ZFR: variants seen among roughly 807,000 people sequenced by gnomAD.
ZFR encodes the protein zinc finger RNA binding protein.
Under a neutral mutation model 130.7 loss-of-function variants are expected in ZFR, and 19 were observed. That is an observed-to-expected ratio of 0.15 (90% CI 0.10 to 0.21). ZFR has a LOEUF of 0.21. ZFR is among the 10% of genes least tolerant of loss of function. ZFR has a pLI of 1.00. For missense variants in ZFR, 872 were observed against 1,321.5 expected (o/e 0.66, Z 5.27); for synonymous variants, 466 against 456.9 (o/e 1.02, Z -0.25).
intron 4 of ZFR, among the ~76,000 whole-genome samples, chr5:32,417,178 G>A (rs1017840230): frequency 1.3e-5 from 2 of 150,520 alleles, no homozygotes; most frequent in East Asian, 2.0e-4. Context: ...CTTTGCAAAC[G>A]AAATGCTTCC....
At chr5:32,411,714 G>GGTGC (rs1554073349) in intron 5 of ZFR, among the ~76,000 whole-genome samples, 1 of 54,612 alleles carries the variant, frequency 1.8e-5, no homozygotes, top group Admixed American at 2.5e-4. Context: ...AATTGAGGGG[G>GGTGC]GGCGGGGAAT....
At chr5:32,358,663 G>A (rs1752366085) in intron 19 of ZFR, among the ~76,000 whole-genome samples, 1 of 150,628 alleles carries the variant, frequency 6.6e-6, no homozygotes, top group African/African-American at 2.4e-5. Flanking sequence ...AATTTTTAAA[G>A]TTCTATCCTC....
chr5:32,417,668 G>A lies in ZFR; in HGVS notation c.545C>T (p.Ala182Val). The change falls in exon 4 of 20, where the codon GCT (alanine) becomes GTT (valine). Residue 182 changes from alanine to valine, a missense_variant. This residue lies in a region of ZFR where 240 missense variants were observed against 441.2 expected (regional missense o/e 0.54). Coordinates refer to ENST00000265069, the MANE Select transcript of ZFR (RefSeq NM_016107.5). Reference protein sequence around the residue: ...AAAAQPQPSVAETYYQTAPKA... With the variant: ...AAAAQPQPSVVETYYQTAPKA... ...CCCACCTGTCTGATAGTAAGTTTCAGCAACAGAAGGCTGAGGTTGGGCAGC... is the reference window on the plus strand; with the variant it reads ...CCCACCTGTCTGATAGTAAGTTTCAACAACAGAAGGCTGAGGTTGGGCAGC... 1 of 1,613,592 alleles carries A rather than the reference G, an allele frequency of 6.2e-7. No individual in the cohort carries two copies. Among genetic ancestry groups the A allele is most frequent in the Non-Finnish European group, 8.5e-7 (1 of 1,179,878 alleles).
At chr5:32,422,554 TG>T (rs1339741373) in intron 2 of ZFR, among the ~76,000 whole-genome samples, 2 of 151,938 alleles carry the variant, frequency 1.3e-5, no homozygotes, top group Non-Finnish European at 2.9e-5. Flanking sequence ...CCCAGCACTT[TG>T]GGAGGCCAAG....
chr5:32,395,017 T>C (rs1236430819), intron 11 of ZFR, 142 bp downstream of exon 11: 19 of 1,195,514 alleles, frequency 1.6e-5, no homozygotes, highest in Middle Eastern at 2.1e-4. Flanking sequence ...ATGTCTTTCC[T>C]AGACCTAGGA....
At chr5:32,381,154 G>T (rs1752927954) in intron 15 of ZFR, among the ~76,000 whole-genome samples, 1 of 152,188 alleles carries the variant, frequency 6.6e-6, no homozygotes, top group Non-Finnish European at 1.5e-5. Flanking sequence ...CTGATCCTGT[G>T]ACGATAGATG....
rs116707513 is a variant in ZFR, at chr5:32,436,025, C to T, written c.137+8204G>A. On this transcript the variant is annotated intron_variant, in intron 2 of 19. Coordinates refer to ENST00000265069, the MANE Select transcript of ZFR (RefSeq NM_016107.5). ...CCTAATCCAGCAACTCTAAAGCTGA[C>T]GACCTTGCTATCATCTTTTGGTTTT... Among the ~76,000 whole-genome samples, 339 of 152,166 alleles carry T rather than the reference C, an allele frequency of 2.2e-3. 1 individual carries two copies. The highest frequency in any genetic ancestry group is 8.1e-3 in the African/African-American group (335 of 41,526).
rs1054978474 is a variant in ZFR at position 32,444,712 on chromosome 5, C to T, written c.-54G>A. 1.3e-5 allele frequency: 19 copies of T among 1,497,904 alleles called. No individual in the cohort carries two copies. Among genetic ancestry groups the T allele is most frequent in the Non-Finnish European group, 1.6e-5 (18 of 1,123,582 alleles). The allele number at this position is 1,497,904 out of a possible 1,614,324, so 92.8% of individuals were successfully genotyped here. On this transcript the variant is annotated 5_prime_UTR_variant, in exon 1 of 20. Transcript: ENST00000265069. The stretch of plus-strand genomic sequence containing the variant: ...AACTCTCACCCGCTGCCTCCCTCCT[C>T]TGCCCCGCTCCTCCTCAGCGGAGAA...
intron 2 of ZFR, among the ~76,000 whole-genome samples, chr5:32,440,592 A>C (rs969433117): frequency 6.6e-6 from 1 of 152,010 alleles, no homozygotes; most frequent in African/African-American, 2.4e-5. Context: ...GGTTGCAGTG[A>C]GCCAAGATCG....
At chr5:32,398,285 A>G (rs116389693) in intron 9 of ZFR, among the ~76,000 whole-genome samples, 1,680 of 152,352 alleles carry the variant, frequency 0.011, 27 homozygotes, top group African/African-American at 0.039. Flanking sequence ...AAATGAAGAT[A>G]ACGACGAATA....
intron 2 of ZFR, among the ~76,000 whole-genome samples, chr5:32,433,121 G>C (rs1754259295): frequency 6.6e-6 from 1 of 152,046 alleles, no homozygotes; most frequent in Non-Finnish European, 1.5e-5. Flanking sequence ...AGGGGAGCGA[G>C]GTGGTTAAAT....
At chr5:32,444,045 C>T (rs1441149666) in intron 2 of ZFR, among the ~76,000 whole-genome samples, 184 bp downstream of exon 2, 1 of 141,222 alleles carries the variant, frequency 7.1e-6, no homozygotes, top group African/African-American at 2.5e-5. Context: ...GCGGGCCGGG[C>T]CGGGCCGGGC....
chr5:32,380,896 C>T (rs1752922049), intron 15 of ZFR, among the ~76,000 whole-genome samples: 2 of 151,394 alleles, frequency 1.3e-5, no homozygotes, highest in African/African-American at 4.9e-5. Flanking sequence ...GTGATACACC[C>T]GCCTCGGCCT....
chr5:32,443,973 G>A (rs748688635), intron 2 of ZFR, among the ~76,000 whole-genome samples: 1 of 151,814 alleles, frequency 6.6e-6, no homozygotes, highest in African/African-American at 2.4e-5. Flanking sequence ...GGGCCCTGAG[G>A]CCTCCACGTC....
rs183202535 is a variant in ZFR at position 32,365,407 on chromosome 5, G to A, written c.2836-1132C>T. 2.6e-3 allele frequency among the ~76,000 whole-genome samples: 394 copies of A among 151,950 alleles called. 1 individual carries two copies. Among genetic ancestry groups the A allele is most frequent in the African/African-American group, 9.1e-3 (378 of 41,428 alleles). On this transcript the variant is annotated intron_variant, in intron 17 of 19. Coordinates refer to ENST00000265069, the MANE Select transcript of ZFR (RefSeq NM_016107.5). ...AGAGATGAGAATTTAAAGAAATAGCGCACATTAACAACTATGAAAAATAAA... is the reference window on the plus strand; with the variant it reads ...AGAGATGAGAATTTAAAGAAATAGCACACATTAACAACTATGAAAAATAAA...
At chr5:32,440,805 G>C (rs1754455689) in intron 2 of ZFR, among the ~76,000 whole-genome samples, 1 of 152,114 alleles carries the variant, frequency 6.6e-6, no homozygotes, top group Non-Finnish European at 1.5e-5. Flanking sequence ...GTTACTAGTA[G>C]CCATACTTGA....
chr5:32,379,873 C>T, intron 16 of ZFR: 1 of 441,448 alleles, frequency 2.3e-6, no homozygotes, highest in Non-Finnish European at 4.0e-6. Flanking sequence ...ACTCCCCAAA[C>T]CTAAGTTCAT....
chr5:32,411,632 T>A (rs1430202953), intron 5 of ZFR, among the ~76,000 whole-genome samples: 1 of 130,630 alleles, frequency 7.7e-6, no homozygotes, highest in Non-Finnish European at 1.6e-5. Context: ...GAGGTTGCAG[T>A]GAGTCGAGAT....
At chr5:32,423,999 T>C (rs1355381267) in intron 2 of ZFR, among the ~76,000 whole-genome samples, 2 of 152,208 alleles carry the variant, frequency 1.3e-5, no homozygotes, top group African/African-American at 4.8e-5. Context: ...AACCTTTTCT[T>C]AGGAAGCTAC....
Sources: gnomAD v4.1 joint callset for allele counts (sites outside exome capture counted in the v4.1 genomes callset) on GRCh38, gnomAD v4.1.1 for gene constraint, gnomAD v4.1.1 regional missense constraint, MANE v1.5 for transcripts, NCBI Gene and HGNC (gene_info 2026-07-23, HGNC 2026-07-21) for gene names.